Variants in PCBD2 observed in about 807,000 individuals in gnomAD.
PCBD2 encodes pterin-4-alpha-carbinolamine dehydratase 2.
Under a neutral mutation model 16.4 loss-of-function variants are expected in PCBD2, and 12 were observed. The ratio of observed to expected loss-of-function variants is 0.73; its 90% confidence interval spans 0.47 to 1.19. The LOEUF is 1.19. Among genes scored for constraint, PCBD2 ranks in the 50% most tolerant of loss-of-function variants. The pLI, the probability that PCBD2 is intolerant of heterozygous loss-of-function variation, is 0.00. For synonymous variants in PCBD2, 58 were observed against 61.8 expected (o/e 0.94, Z 0.29); for missense variants, 138 against 156.8 (o/e 0.88, Z 0.64).
intron 1 of PCBD2, among the ~76,000 whole-genome samples, chr5:134,906,747 C>G (rs1432081098): frequency 6.6e-6 from 1 of 152,174 alleles, no homozygotes; most frequent in Non-Finnish European, 1.5e-5. Context: ...AAAATCTTGG[C>G]AGGTAGATAT....
chr5:134,916,325 T>G (rs1055741515), intron 2 of PCBD2, among the ~76,000 whole-genome samples: 2 of 152,158 alleles, frequency 1.3e-5, no homozygotes, highest in Admixed American at 6.5e-5. Context: ...GTTAAAAAAT[T>G]CATTTTGTTT....
chr5:134,953,575 A>G (rs1238349652), intron 2 of PCBD2, among the ~76,000 whole-genome samples: 1 of 152,104 alleles, frequency 6.6e-6, no homozygotes, highest in African/African-American at 2.4e-5. Context: ...CGGGCGGATC[A>G]CTTGAGGTCA....
Position 134,961,938 on chromosome 5 carries a change from T to G in PCBD2, c.*1257T>G. ...CACCACGCCTGACTAATTTTTAAAT[T>G]TTTTGTAGAGATGGGGTCTCCCATC... is the stretch of plus-strand genomic sequence containing the variant. On this transcript the variant is annotated 3_prime_UTR_variant, in exon 4 of 4. Transcript: ENST00000254908. Among the ~76,000 whole-genome samples, 1 of 151,888 alleles carries G rather than the reference T, an allele frequency of 6.6e-6. No homozygotes were observed. The highest frequency in any genetic ancestry group is 1.9e-4 in the East Asian group (1 of 5,174).
At chr5:134,956,909 T>C (rs1348782657) in intron 2 of PCBD2, among the ~76,000 whole-genome samples, 2 of 152,232 alleles carry the variant, frequency 1.3e-5, no homozygotes, top group African/African-American at 4.8e-5. Context: ...ATACCTTATC[T>C]CATTGTTTAT....
intron 2 of PCBD2, among the ~76,000 whole-genome samples, chr5:134,938,047 A>T (rs902111849): frequency 6.6e-6 from 1 of 152,216 alleles, no homozygotes; most frequent in African/African-American, 2.4e-5. Context: ...TTGGTGCAGA[A>T]CAAAATTATC....
At chr5:134,936,958 A>T (rs957555941) in intron 2 of PCBD2, among the ~76,000 whole-genome samples, 2 of 152,248 alleles carry the variant, frequency 1.3e-5, no homozygotes, top group Admixed American at 6.5e-5. Flanking sequence ...TAGGTATAGG[A>T]AAAATGGCTA....
intron 3 of PCBD2, 43 bp from the exon 4 acceptor site, chr5:134,960,543 A>T (rs531527927): frequency 7.3e-7 from 1 of 1,368,916 alleles, no homozygotes; most frequent in African/African-American, 1.5e-5. Context: ...AATAACCATG[A>T]TTTGCTGCTC....
At chr5:134,927,942 A>T in intron 2 of PCBD2, 1 of 397,010 alleles carries the variant, frequency 2.5e-6, no homozygotes, top group Admixed American at 4.4e-5. Context: ...GCTAATAATT[A>T]GGCTGTGAGT....
intron 2 of PCBD2, among the ~76,000 whole-genome samples, chr5:134,946,271 C>T (rs1036576780): frequency 6.6e-6 from 1 of 152,096 alleles, no homozygotes; most frequent in Non-Finnish European, 1.5e-5. Context: ...AAGATTCTCA[C>T]AGGTTCAGGG....
intron 1 of PCBD2, among the ~76,000 whole-genome samples, chr5:134,906,237 G>A (rs1176233617): frequency 1.2e-5 from 1 of 86,124 alleles, no homozygotes; most frequent in Admixed American, 1.8e-4. Flanking sequence ...GGAGAATCAC[G>A]CCGTCACCCA....
chr5:134,953,818 A>G (rs1454987851), intron 2 of PCBD2, among the ~76,000 whole-genome samples: 1 of 152,088 alleles, frequency 6.6e-6, no homozygotes, highest in African/African-American at 2.4e-5. Context: ...ACAACAAAAA[A>G]AGAAAATATA....
intron 1 of PCBD2, chr5:134,908,808 C>A (rs1406655593): frequency 6.6e-6 from 1 of 151,856 alleles, no homozygotes; most frequent in East Asian, 1.9e-4. Context: ...AAGGTAAAAT[C>A]TTTTTCCTCT....
intron 1 of PCBD2, among the ~76,000 whole-genome samples, chr5:134,907,516 C>G (rs914675522): frequency 3.3e-5 from 5 of 152,026 alleles, no homozygotes; most frequent in African/African-American, 1.2e-4. Flanking sequence ...GCTGGGATTA[C>G]AGGCATGAGC....
intron 2 of PCBD2, among the ~76,000 whole-genome samples, chr5:134,916,010 C>T (rs1420339799): frequency 2.0e-5 from 3 of 152,140 alleles, no homozygotes; most frequent in Non-Finnish European, 4.4e-5. Flanking sequence ...ATTTGGGGGC[C>T]AGGCACGATG....
Position 134,953,487 on chromosome 5 carries a change from C to A in PCBD2, c.217-5553C>A, listed in dbSNP as rs558806503. Reference sequence around the variant, plus strand: ...ATAAAATTATATACCTATAATTTTACATAGAAAATATAGTCTTCTATTTCT... The same window carrying A: ...ATAAAATTATATACCTATAATTTTAAATAGAAAATATAGTCTTCTATTTCT... On this transcript the variant is annotated intron_variant, in intron 2 of 3. Transcript: ENST00000254908. Among the ~76,000 whole-genome samples the A allele has an allele frequency of 3.7e-3, 554 of 151,708 alleles. 8 individuals are homozygous for A. The East Asian group carries it at 0.037, about 10-fold the overall frequency.
intron 2 of PCBD2, among the ~76,000 whole-genome samples, chr5:134,954,573 C>T (rs1169858277): frequency 6.6e-6 from 1 of 152,140 alleles, no homozygotes; most frequent in Non-Finnish European, 1.5e-5. Flanking sequence ...TAATTATTCC[C>T]TGACTTATTG....
chr5:134,926,925 G>C (rs1270873473), intron 2 of PCBD2: 3 of 398,052 alleles, frequency 7.5e-6, no homozygotes, highest in South Asian at 1.3e-4. Flanking sequence ...GTTAATAGTG[G>C]GGGGTAAGGC....
chr5:134,960,525 C>G (rs73790760), intron 3 of PCBD2, 61 bp from the exon 4 acceptor site: 19 of 1,206,144 alleles, frequency 1.6e-5, no homozygotes, highest in Middle Eastern at 3.9e-4. Flanking sequence ...TCTGAACTGC[C>G]AAAGGAAAAT....
intron 2 of PCBD2, chr5:134,926,184 T>C (rs113740608): frequency 3.1e-6 from 1 of 319,098 alleles, no homozygotes; most frequent in Admixed American, 4.9e-5. Context: ...CGAACAGTGC[T>C]ACAGGGATAA....
Sources: gnomAD v4.1 joint callset for allele counts (sites outside exome capture counted in the v4.1 genomes callset) on GRCh38, gnomAD v4.1.1 for gene constraint, MANE v1.5 for transcripts, NCBI Gene and HGNC (gene_info 2026-07-23, HGNC 2026-07-21) for gene names.